Variants in ADAM32 observed in about 807,000 individuals in gnomAD.
The protein encoded by ADAM32 is ADAM metallopeptidase domain 32, also known as disintegrin and metalloproteinase domain-containing protein 32.
In ADAM32, 89 loss-of-function variants were observed where a neutral mutation model predicts 114.9. That is an observed-to-expected ratio of 0.77 (90% CI 0.65 to 0.92). ADAM32 has a LOEUF of 0.92. Among genes scored for constraint, ADAM32 ranks in the 40% least tolerant of loss-of-function variants. ADAM32 has a pLI of 0.00. For synonymous variants in ADAM32, 285 were observed against 307.5 expected (o/e 0.93, Z 0.77); for missense variants, 870 against 932.8 (o/e 0.93, Z 0.88).
chr8:39,162,603 G>A (rs1170773332), intron 7 of ADAM32, among the ~76,000 whole-genome samples: 1 of 152,024 alleles, frequency 6.6e-6, no homozygotes, highest in Non-Finnish European at 1.5e-5. Context: ...TTCAACCATT[G>A]TGGAAGACAG....
intron 11 of ADAM32, among the ~76,000 whole-genome samples, chr8:39,194,374 G>C (rs1224670372): frequency 1.3e-5 from 2 of 152,092 alleles, no homozygotes; most frequent in African/African-American, 4.8e-5. Flanking sequence ...GATGGTATGG[G>C]GTACACCAAT....
intron 11 of ADAM32, among the ~76,000 whole-genome samples, chr8:39,204,132 G>T (rs903313679): frequency 3.3e-5 from 5 of 152,162 alleles, no homozygotes; most frequent in African/African-American, 1.2e-4. Flanking sequence ...TTCTCAAGGA[G>T]TATCTGTGTG....
At chr8:39,177,638 T>C (rs918044586) in intron 10 of ADAM32, among the ~76,000 whole-genome samples, 1 of 152,208 alleles carries the variant, frequency 6.6e-6, no homozygotes, top group African/African-American at 2.4e-5. Context: ...GTTTTGGTAG[T>C]GGCTGATAAT....
intron 19 of ADAM32, among the ~76,000 whole-genome samples, chr8:39,269,004 G>A (rs1812543149): frequency 6.6e-6 from 1 of 152,180 alleles, no homozygotes; most frequent in Non-Finnish European, 1.5e-5. Context: ...TTGGATAAAT[G>A]GTTTTACTCT....
At chr8:39,246,408 G>T (rs967883806) in intron 17 of ADAM32, among the ~76,000 whole-genome samples, 5 of 152,132 alleles carry the variant, frequency 3.3e-5, no homozygotes, top group Admixed American at 2.6e-4. Context: ...TTTTCAGAGG[G>T]TGTTAAATTT....
intron 11 of ADAM32, among the ~76,000 whole-genome samples, chr8:39,191,331 G>A (rs935964116): frequency 2.0e-5 from 3 of 152,116 alleles, no homozygotes; most frequent in East Asian, 1.9e-4. Context: ...ATCAACACAC[G>A]TTTTCTACAA....
chr8:39,211,896 C>T (rs981606948), intron 12 of ADAM32, among the ~76,000 whole-genome samples: 17 of 152,166 alleles, frequency 1.1e-4, no homozygotes, highest in Non-Finnish European at 2.5e-4. Context: ...TTATTAGGGT[C>T]TGTTACATCC....
intron 2 of ADAM32, among the ~76,000 whole-genome samples, chr8:39,118,936 C>T (rs764717955): frequency 6.6e-5 from 10 of 152,234 alleles, no homozygotes; most frequent in South Asian, 4.1e-4. Context: ...CCTTGGCAAC[C>T]GCTGATCTGT....
chr8:39,125,541 C>T (rs1802062378), intron 2 of ADAM32, among the ~76,000 whole-genome samples: 1 of 152,154 alleles, frequency 6.6e-6, no homozygotes, highest in South Asian at 2.1e-4. Context: ...ATGAGTTCTT[C>T]ATCCTAGGGG....
At chr8:39,182,856 T>C (rs1805988522) in intron 10 of ADAM32, among the ~76,000 whole-genome samples, 1 of 152,210 alleles carries the variant, frequency 6.6e-6, no homozygotes, top group African/African-American at 2.4e-5. Context: ...TCTTTTCTGG[T>C]AACAGACCTT....
At chr8:39,143,932 T>A (rs1037209824) in intron 3 of ADAM32, among the ~76,000 whole-genome samples, 3 of 152,196 alleles carry the variant, frequency 2.0e-5, no homozygotes, top group African/African-American at 7.2e-5. Context: ...TAATGGCAGA[T>A]GACCCTTCCC....
chr8:39,191,639 CT>C (rs1806618544), intron 11 of ADAM32, among the ~76,000 whole-genome samples: 1 of 152,060 alleles, frequency 6.6e-6, no homozygotes, highest in Admixed American at 6.6e-5. Flanking sequence ...CTTATAGATG[CT>C]GGATATTAGA....
chr8:39,146,930 C>G (rs941121078), intron 3 of ADAM32, among the ~76,000 whole-genome samples, 200 bp from the exon 4 acceptor site: 1 of 152,088 alleles, frequency 6.6e-6, no homozygotes, highest in Non-Finnish European at 1.5e-5. Flanking sequence ...TGTTCTTTGT[C>G]AAAACTAGTT....
At chr8:39,147,233 T>A in intron 4 of ADAM32, 28 bp downstream of exon 4, 1 of 937,874 alleles carries the variant, frequency 1.1e-6, no homozygotes, top group Non-Finnish European at 1.4e-6. Flanking sequence ...TGTTTTATAG[T>A]TTTTTTTAAA....
intron 14 of ADAM32, among the ~76,000 whole-genome samples, chr8:39,231,120 C>G (rs977165754): frequency 1.3e-5 from 2 of 152,120 alleles, no homozygotes; most frequent in African/African-American, 4.8e-5. Context: ...TAGTTAAGGT[C>G]TACAATCAGT....
Position 39,129,850 on chromosome 8 carries a change from T to A in ADAM32, c.139-6807T>A. ...TTATGAGTGTAATCTTTGTTATAGG[T>A]CTATTTGGATTTTATTCAGTTTTGG... On this transcript the variant is annotated intron_variant, in intron 2 of 24. Coordinates refer to ENST00000379907, the MANE Select transcript of ADAM32 (RefSeq NM_145004.7). The A allele has an allele frequency of 7.8e-6, 3 of 382,284 alleles. 1 individual carries two copies. The highest frequency in any genetic ancestry group is 5.9e-5 in the South Asian group (3 of 50,574). The allele number at this position is 382,284 out of a possible 1,614,324, so 23.7% of individuals were successfully genotyped here.
At chr8:39,156,455 C>A (rs1272850987) in intron 6 of ADAM32, among the ~76,000 whole-genome samples, 5 of 152,208 alleles carry the variant, frequency 3.3e-5, no homozygotes, top group African/African-American at 1.2e-4. Flanking sequence ...ATAATAATAT[C>A]TTCTATAGTT....
chr8:39,115,739 GT>G (rs1379364520), intron 1 of ADAM32, among the ~76,000 whole-genome samples: 2 of 152,110 alleles, frequency 1.3e-5, no homozygotes, highest in Non-Finnish European at 2.9e-5. Context: ...AAGCTCTTTA[GT>G]TTAATGAAGT....
chr8:39,180,124 C>T (rs906853164), intron 10 of ADAM32, among the ~76,000 whole-genome samples: 5 of 152,166 alleles, frequency 3.3e-5, no homozygotes, highest in African/African-American at 9.6e-5. Flanking sequence ...GGGAGAGGCG[C>T]GAGTGGGAAC....
Sources: gnomAD v4.1 joint callset for allele counts (sites outside exome capture counted in the v4.1 genomes callset) on GRCh38, gnomAD v4.1.1 for gene constraint, MANE v1.5 for transcripts, NCBI Gene and HGNC (gene_info 2026-07-23, HGNC 2026-07-21) for gene names.